Variants in FRMD4B observed in about 807,000 individuals in gnomAD.
The protein encoded by FRMD4B is FERM domain-containing protein 4B.
Under a neutral mutation model 141.5 loss-of-function variants are expected in FRMD4B, and 74 were observed. That is an observed-to-expected ratio of 0.52 (90% CI 0.43 to 0.63). The LOEUF (loss-of-function observed/expected upper bound fraction) is 0.63. Ranked by LOEUF, FRMD4B falls within the 30% of genes least tolerant of loss-of-function variation. The pLI is 0.00. For missense variants in FRMD4B, 1,366 were observed against 1,253.4 expected, an observed-to-expected ratio of 1.09 and a Z score of -1.36; for synonymous variants, 506 against 467.9, an observed-to-expected ratio of 1.08 and a Z score of -1.05.
intron 2 of FRMD4B, among the ~76,000 whole-genome samples, chr3:69,425,463 A>G (rs1705060436): frequency 6.6e-6 from 1 of 152,184 alleles, no homozygotes; most frequent in African/African-American, 2.4e-5. Context: ...CCATGGGGGA[A>G]AGTTCACTTC....
At chr3:69,411,995 A>G (rs1224853279) in intron 2 of FRMD4B, among the ~76,000 whole-genome samples, 1 of 152,252 alleles carries the variant, frequency 6.6e-6, no homozygotes, top group Non-Finnish European at 1.5e-5. Flanking sequence ...ATTTCTTTCT[A>G]GATGACAGTA....
At chr3:69,189,304 C>T (rs535919351) in intron 18 of FRMD4B, among the ~76,000 whole-genome samples, 13 of 151,688 alleles carry the variant, frequency 8.6e-5, no homozygotes, top group African/African-American at 2.7e-4. Flanking sequence ...TCGATACAGC[C>T]TGCCTCTATG....
chr3:69,278,835 C>T (rs2093631019), intron 5 of FRMD4B, among the ~76,000 whole-genome samples: 1 of 151,952 alleles, frequency 6.6e-6, no homozygotes. Flanking sequence ...GCGATCTGCG[C>T]ATCTCAGCCT....
chr3:69,482,271 C>T (rs1435023999), intron 1 of FRMD4B, among the ~76,000 whole-genome samples: 1 of 150,734 alleles, frequency 6.6e-6, no homozygotes, highest in Non-Finnish European at 1.5e-5. Context: ...TAAAAAATAA[C>T]CCTAAACAGG....
intron 1 of FRMD4B, among the ~76,000 whole-genome samples, chr3:69,503,071 T>C (rs1205448074): frequency 6.6e-6 from 1 of 152,196 alleles, no homozygotes; most frequent in Admixed American, 6.5e-5. Flanking sequence ...ATAGGAACAC[T>C]TTGACACTGT....
chr3:69,240,350 ATGTGCC>A (rs1169830983), intron 7 of FRMD4B, among the ~76,000 whole-genome samples: 1 of 149,854 alleles, frequency 6.7e-6, no homozygotes, highest in Non-Finnish European at 1.5e-5. Flanking sequence ...GCGTGGTGGC[ATGTGCC>A]TGTAGTCCCA....
chr3:69,370,642 T>C (rs1703798777), intron 1 of FRMD4B, among the ~76,000 whole-genome samples: 1 of 152,242 alleles, frequency 6.6e-6, no homozygotes, highest in Admixed American at 6.5e-5. Flanking sequence ...CATGGCTTTT[T>C]CCCCACATGA....
chr3:69,456,851 T>C (rs1705624076), intron 1 of FRMD4B, among the ~76,000 whole-genome samples: 1 of 152,112 alleles, frequency 6.6e-6, no homozygotes, highest in Non-Finnish European at 1.5e-5. Flanking sequence ...GCCACACTCT[T>C]TCTTTTACAT....
intron 11 of FRMD4B, among the ~76,000 whole-genome samples, chr3:69,212,151 G>A (rs1223646463): frequency 1.3e-5 from 2 of 151,558 alleles, no homozygotes; most frequent in Non-Finnish European, 2.9e-5. Flanking sequence ...CCTGAGGTCA[G>A]GAGTTCGAGA....
At chr3:69,366,291 A>T (rs367954359) in intron 1 of FRMD4B, among the ~76,000 whole-genome samples, 24,715 of 147,740 alleles carry the variant, frequency 0.17, 2,417 homozygotes, top group African/African-American at 0.24. Context: ...AAACAAAAAA[A>T]ATTGACAACA....
At chr3:69,315,853 T>C (rs1383004682) in intron 1 of FRMD4B, among the ~76,000 whole-genome samples, 1 of 152,254 alleles carries the variant, frequency 6.6e-6, no homozygotes, top group Admixed American at 6.5e-5. Context: ...TCTAAGCCGT[T>C]GTACAAAACT....
intron 5 of FRMD4B, among the ~76,000 whole-genome samples, chr3:69,276,754 C>G (rs953886782): frequency 2.0e-5 from 3 of 152,122 alleles, no homozygotes; most frequent in Admixed American, 2.0e-4. Context: ...CACCTGAGGT[C>G]AGGAGTTCTA....
At chr3:69,438,842 G>C (rs1207202809) in intron 1 of FRMD4B, among the ~76,000 whole-genome samples, 1 of 152,082 alleles carries the variant, frequency 6.6e-6, no homozygotes, top group South Asian at 2.1e-4. Context: ...GAAATATACA[G>C]AAGAAAATGC....
intron 1 of FRMD4B, among the ~76,000 whole-genome samples, chr3:69,536,920 A>G (rs908822011): frequency 1.1e-4 from 17 of 151,818 alleles, no homozygotes; most frequent in African/African-American, 3.6e-4. Context: ...GTAATTTTAA[A>G]AATTTTAAGT....
At chr3:69,314,411 C>A (rs1345730642) in intron 1 of FRMD4B, among the ~76,000 whole-genome samples, 1 of 151,214 alleles carries the variant, frequency 6.6e-6, no homozygotes, top group African/African-American at 2.4e-5. Flanking sequence ...CTTGTAATCC[C>A]AGCTATTCAG....
intron 19 of FRMD4B, 135 bp downstream of exon 19, chr3:69,187,635 C>T: frequency 1.5e-6 from 1 of 656,888 alleles, no homozygotes. Flanking sequence ...AGTTTCTATG[C>T]CCCAGTTTTA....
intron 5 of FRMD4B, among the ~76,000 whole-genome samples, chr3:69,274,056 G>A (rs752911843): frequency 1.3e-5 from 2 of 152,132 alleles, no homozygotes; most frequent in Non-Finnish European, 2.9e-5. Flanking sequence ...AAAAGGCATG[G>A]AGGCTTGAGA....
chr3:69,541,803 T>C (rs1403360965), intron 1 of FRMD4B, among the ~76,000 whole-genome samples: 1 of 134,080 alleles, frequency 7.5e-6, no homozygotes, highest in Admixed American at 7.1e-5. Context: ...CCCCCTCTTT[T>C]CGCTGCCTTT....
chr3:69,425,210 G>A (rs999024685), intron 2 of FRMD4B, among the ~76,000 whole-genome samples: 1 of 152,152 alleles, frequency 6.6e-6, no homozygotes, highest in Non-Finnish European at 1.5e-5. Context: ...TTCTTACACA[G>A]TAAATTCATT....
Sources: gnomAD v4.1 joint callset for allele counts (sites outside exome capture counted in the v4.1 genomes callset) on GRCh38, gnomAD v4.1.1 for gene constraint, MANE v1.5 for transcripts, NCBI Gene and HGNC (gene_info 2026-07-23, HGNC 2026-07-21) for gene names.